NAP1L1: variants seen among roughly 807,000 people sequenced by gnomAD.
The protein encoded by NAP1L1 is nucleosome assembly protein 1 like 1.
In NAP1L1, 9 loss-of-function variants were observed where a neutral mutation model predicts 58.9. That is an observed-to-expected ratio of 0.15 (90% CI 0.09 to 0.27). The LOEUF is 0.27. NAP1L1 is among the 10% of genes least tolerant of loss of function. The pLI, the probability that NAP1L1 is intolerant of heterozygous loss-of-function variation, is 1.00. For missense variants in NAP1L1, 302 were observed against 458.8 expected, an observed-to-expected ratio of 0.66 and a Z score of 3.12; for synonymous variants, 130 against 138.3, an observed-to-expected ratio of 0.94 and a Z score of 0.42.
chr12:76,057,346 G>A (rs1158366242), intron 6 of NAP1L1: 5 of 369,310 alleles, frequency 1.4e-5, no homozygotes, highest in Non-Finnish European at 2.6e-5. Context: ...TACAGATGGT[G>A]GTGCCAGGTT....
At position 76,037,869 on chromosome 12, in the gene NAP1L1, G is replaced by T. The variant is rs1456159991; in HGVS notation, c.*10560C>A. On this transcript the variant is annotated 3_prime_UTR_variant, in exon 15 of 15. Transcript: ENST00000618691. The stretch of plus-strand genomic sequence containing the variant: ...GAGTGTTTTCGCCATTGTACCTAAC[G>T]GAGAGCTGATTGACAGCACTTAAAC... 1 of 152,088 alleles carries T rather than the reference G, an allele frequency of 6.6e-6. No individual in the cohort carries two copies. Among genetic ancestry groups the T allele is most frequent in the Non-Finnish European group, 1.5e-5 (1 of 68,038 alleles). The allele number at this position is 152,088 out of a possible 1,614,324, so 9.4% of individuals were successfully genotyped here.
intron 1 of NAP1L1, chr12:76,083,838 C>T (rs1241913265): frequency 1.3e-5 from 2 of 152,278 alleles, no homozygotes; most frequent in South Asian, 2.1e-4. Context: ...CTTACCCTTC[C>T]TTTTCACATT....
At chr12:76,072,387 G>C (rs1366037325) in intron 2 of NAP1L1, among the ~76,000 whole-genome samples, 1 of 151,140 alleles carries the variant, frequency 6.6e-6, no homozygotes, top group Non-Finnish European at 1.5e-5. Flanking sequence ...AACACAAGCT[G>C]AAAGTCTTCA....
At chr12:76,069,049 T>C in intron 2 of NAP1L1, 55 bp from the exon 3 acceptor site, 2 of 1,285,584 alleles carry the variant, frequency 1.6e-6, no homozygotes, top group Non-Finnish European at 2.2e-6. Flanking sequence ...CCAAAAAAAG[T>C]TACAGAAAAA....
chr12:76,053,177 T>C (rs996086785), intron 10 of NAP1L1, 28 bp downstream of exon 10: 3 of 1,612,672 alleles, frequency 1.9e-6, no homozygotes, highest in Admixed American at 3.3e-5. Flanking sequence ...AAAACAACCG[T>C]TAATACTCAA....
chr12:76,080,480 C>CTA (rs1386113342), intron 1 of NAP1L1, among the ~76,000 whole-genome samples: 1 of 152,188 alleles, frequency 6.6e-6, no homozygotes, highest in African/African-American at 2.4e-5. Context: ...AACAAACAGG[C>CTA]TATACCATAT....
chr12:76,056,005 A>G (rs1011259017), intron 7 of NAP1L1, 28 bp downstream of exon 7: 4 of 1,608,558 alleles, frequency 2.5e-6, no homozygotes, highest in Non-Finnish European at 2.5e-6. Context: ...CCTTCAAAGT[A>G]AACTGGTACA....
At position 76,036,939 on chromosome 12, in the gene NAP1L1, G is replaced by T. The variant is rs1871055263; in HGVS notation, c.*11490C>A. The T allele has an allele frequency of 6.7e-6, 1 of 150,114 alleles. No individual in the cohort carries two copies. The highest frequency in any genetic ancestry group is 2.5e-5 in the African/African-American group (1 of 40,772). The allele number at this position is 150,114 out of a possible 1,614,324, so 9.3% of individuals were successfully genotyped here. A position where few individuals can be genotyped will look rare whatever the true frequency, so the allele number is the denominator to read the frequency against. ...AATACAAAAAAAAAAAAAACCCACAGCGCCTGTAATCCCAGCTACTCGGGA... is the reference window on the plus strand; with the variant it reads ...AATACAAAAAAAAAAAAAACCCACATCGCCTGTAATCCCAGCTACTCGGGA... On this transcript the variant is annotated 3_prime_UTR_variant, in exon 15 of 15. Coordinates refer to ENST00000618691, the MANE Select transcript of NAP1L1 (RefSeq NM_004537.7).
intron 2 of NAP1L1, among the ~76,000 whole-genome samples, chr12:76,070,853 C>G (rs1347589081): frequency 6.6e-6 from 1 of 152,070 alleles, no homozygotes; most frequent in Non-Finnish European, 1.5e-5. Context: ...ATACTATATA[C>G]CATATAAACG....
chr12:76,067,818 A>G (rs374917220), intron 3 of NAP1L1, among the ~76,000 whole-genome samples: 2 of 152,352 alleles, frequency 1.3e-5, no homozygotes, highest in East Asian at 3.9e-4. Flanking sequence ...GACTCTTGAC[A>G]GTCCTCTGAA....
chr12:76,066,178 G>GA (rs1949664188), intron 4 of NAP1L1, among the ~76,000 whole-genome samples: 3 of 148,128 alleles, frequency 2.0e-5, no homozygotes, highest in South Asian at 4.3e-4. Context: ...AAATGAGGCA[G>GA]AAAAAAAAGG....
rs113449351 is a variant in NAP1L1 at position 76,067,716 on chromosome 12, A to G, written c.104-243T>C. On this transcript the variant is annotated intron_variant, in intron 3 of 14. Coordinates refer to ENST00000618691, the MANE Select transcript of NAP1L1 (RefSeq NM_004537.7). ...AGTTCTCAAGGCCACTGCCACAACT[A>G]TATGAACAATATCCTTTCTCTTCCT... The G allele has an allele frequency of 5.0e-5, 19 of 381,898 alleles. 1 individual carries two copies. The highest frequency in any genetic ancestry group is 2.6e-4 in the African/African-American group (13 of 50,678). The allele number at this position is 381,898 out of a possible 1,614,324, so 23.7% of individuals were successfully genotyped here.
chr12:76,083,667 C>T (rs1950496917), intron 1 of NAP1L1, among the ~76,000 whole-genome samples: 1 of 151,730 alleles, frequency 6.6e-6, no homozygotes, highest in African/African-American at 2.4e-5. Context: ...TTGCTAATAA[C>T]AGTTAATATA....
intron 1 of NAP1L1, among the ~76,000 whole-genome samples, chr12:76,082,296 C>A (rs1284048277): frequency 6.6e-6 from 1 of 152,066 alleles, no homozygotes; most frequent in Non-Finnish European, 1.5e-5. Context: ...TTACCAGGAG[C>A]CAACAGGAGC....
At chr12:76,079,010 C>CACACAT (rs899472368) in intron 1 of NAP1L1, among the ~76,000 whole-genome samples, 1 of 151,896 alleles carries the variant, frequency 6.6e-6, no homozygotes, top group African/African-American at 2.4e-5. Flanking sequence ...CACACACACA[C>CACACAT]ACATATATTT....
At chr12:76,084,126 G>C (rs1950516540) in intron 1 of NAP1L1, 1 of 151,968 alleles carries the variant, frequency 6.6e-6, no homozygotes, top group Non-Finnish European at 1.5e-5. Context: ...CCTCCCTCCT[G>C]GTATTATTTT....
At chr12:76,057,353 G>C (rs2136996058) in intron 6 of NAP1L1, 1 of 378,858 alleles carries the variant, frequency 2.6e-6, no homozygotes, top group African/African-American at 2.1e-5. Flanking sequence ...GGTGGTGCCA[G>C]GTTGAATAAC....
intron 2 of NAP1L1, among the ~76,000 whole-genome samples, chr12:76,070,966 T>C (rs1436578648): frequency 6.6e-6 from 1 of 152,164 alleles, no homozygotes; most frequent in Non-Finnish European, 1.5e-5. Context: ...GGCCAGGAGT[T>C]CAAGACCAGC....
rs1948570894 is a variant in NAP1L1 at position 76,043,497 on chromosome 12, A to AAT, written c.*4930_*4931dup. On this transcript the variant is annotated 3_prime_UTR_variant, in exon 15 of 15. Transcript: ENST00000618691. ...TCTCAGAAAAAAAAAAAAAAAAAAAAATTTCTACATGGAATGGTCATCCTC... is the reference window on the plus strand; with the variant it reads ...TCTCAGAAAAAAAAAAAAAAAAAAAAATATTTCTACATGGAATGGTCATCCTC... The AAT allele has an allele frequency of 2.0e-5, 3 of 151,314 alleles. No homozygotes were observed. Among genetic ancestry groups the AAT allele is most frequent in the Admixed American group, 6.6e-5 (1 of 15,180 alleles). The allele number at this position is 151,314 out of a possible 1,614,324, so 9.4% of individuals were successfully genotyped here.
Sources: allele counts gnomAD v4.1 joint callset (sites outside exome capture counted in the v4.1 genomes callset), GRCh38; gene constraint gnomAD v4.1.1; transcripts MANE v1.5; gene names NCBI Gene and HGNC (gene_info 2026-07-23, HGNC 2026-07-21).